IGSF10: variants seen among roughly 807,000 people sequenced by gnomAD.
The protein encoded by IGSF10 is calvaria mechanical force protein 608.
A neutral mutation model predicts 128.2 loss-of-function variants in IGSF10; 126 were observed. The observed-to-expected ratio is 0.98, with a 90% CI of 0.85 to 1.14. The LOEUF is 1.14. IGSF10 is among the 50% of genes most tolerant of loss of function. The pLI, the probability that IGSF10 is intolerant of heterozygous loss-of-function variation, is 0.00. For synonymous variants in IGSF10, 1,185 were observed against 1,146.2 expected (o/e 1.03, Z -0.68); for missense variants, 3,295 against 3,149.8 (o/e 1.05, Z -1.10).
At chr3:151,530,887 G>A in the IGSF10 span, among the ~76,000 whole-genome samples, 2 of 152,122 alleles carry the variant, frequency 1.3e-5, no homozygotes, top group Non-Finnish European at 2.9e-5. Context: ...ATGTAAATGG[G>A]CTAAATGCCC....
At chr3:151,433,432 C>A (rs7611956), downstream of IGSF10, 130,361 of 152,652 alleles carry the variant, frequency 0.85, 55,902 homozygotes, top group Middle Eastern at 0.97. Flanking sequence ...ATTGTTGCTT[C>A]GTACTTAAAC....
downstream of IGSF10, chr3:151,433,043 G>A: frequency 2.2e-6 from 1 of 460,512 alleles, no homozygotes; most frequent in Non-Finnish European, 3.9e-6. Flanking sequence ...AATCATGCAG[G>A]CAGGCCTACT....
chr3:151,548,795 ATCT>A, the IGSF10 span, among the ~76,000 whole-genome samples: 1 of 151,764 alleles, frequency 6.6e-6, no homozygotes, highest in Non-Finnish European at 1.5e-5. Flanking sequence ...TGGACTAATA[ATCT>A]TCTAATTTTC....
At chr3:151,502,988 C>G in the IGSF10 span, among the ~76,000 whole-genome samples, 1 of 152,024 alleles carries the variant, frequency 6.6e-6, no homozygotes. Flanking sequence ...AGCAAAAACT[C>G]TCTCCAAAAT....
the IGSF10 span, among the ~76,000 whole-genome samples, chr3:151,581,262 G>C: frequency 6.6e-6 from 1 of 152,130 alleles, no homozygotes; most frequent in Non-Finnish European, 1.5e-5. Flanking sequence ...ATTCAACTTA[G>C]ACCCCAACAG....
At chr3:151,593,798 C>G in the IGSF10 span, among the ~76,000 whole-genome samples, 1 of 151,938 alleles carries the variant, frequency 6.6e-6, no homozygotes, top group Non-Finnish European at 1.5e-5. Flanking sequence ...ACAGAAAAGG[C>G]AACTCAAAAT....
At chr3:151,558,793 T>G in the IGSF10 span, among the ~76,000 whole-genome samples, 1 of 152,180 alleles carries the variant, frequency 6.6e-6, no homozygotes, top group Non-Finnish European at 1.5e-5. Context: ...AGGGGTCACC[T>G]TTTGACTCAT....
chr3:151,477,794 A>G, the IGSF10 span, among the ~76,000 whole-genome samples: 1 of 152,204 alleles, frequency 6.6e-6, no homozygotes, highest in Non-Finnish European at 1.5e-5. Flanking sequence ...AGGACCAGAT[A>G]GTGATATGTT....
intron 7 of IGSF10, 97 bp from the exon 8 acceptor site, chr3:151,438,694 G>T: frequency 1.2e-6 from 1 of 813,670 alleles, no homozygotes; most frequent in Non-Finnish European, 1.9e-6. Flanking sequence ...CTTTATTGAA[G>T]CATGACCAAT....
the IGSF10 span, among the ~76,000 whole-genome samples, chr3:151,588,692 C>A: frequency 6.6e-6 from 1 of 152,156 alleles, no homozygotes; most frequent in African/African-American, 2.4e-5. Context: ...CCTGTTCCAG[C>A]AAGGAATGTC....
At chr3:151,560,600 A>G in the IGSF10 span, among the ~76,000 whole-genome samples, 1 of 152,138 alleles carries the variant, frequency 6.6e-6, no homozygotes, top group African/African-American at 2.4e-5. Flanking sequence ...GAGCCAATGA[A>G]GTGTAAGTTA....
rs1434912575 is a variant in IGSF10 at position 151,447,206 on chromosome 3, C to T, written c.2775G>A (p.Arg925=). The T allele has an allele frequency of 6.2e-7, 1 of 1,614,064 alleles. No individual in the cohort carries two copies. Among genetic ancestry groups the T allele is most frequent in the Non-Finnish European group, 8.5e-7 (1 of 1,180,044 alleles). Residue 925 remains arginine, a synonymous_variant, in exon 6 of 8, where the codon AGG becomes AGA. Coordinates refer to ENST00000282466, the MANE Select transcript of IGSF10 (RefSeq NM_178822.5). ...TGACATTGACATCTTTGATCATAGT[C>T]CTTACTGTTATTGGGGGTCTACTTT... ...HFQSRPPITV[R]TMIKDVNVKM... is the part of the protein sequence containing the mutation.
chr3:151,438,089 T>G lies in IGSF10; in HGVS notation c.6472A>C (p.Thr2158Pro). The change falls in exon 8 of 8, where the codon ACA (threonine) becomes CCA (proline). Residue 2158 changes from threonine to proline, a missense_variant. Physicochemically the swap from Thr to Pro is conservative, Grantham distance 38. Transcript: ENST00000282466. ...KTNKRIKAGD[T>P]AVLDCEVTGD... ...GTGACCTCACAGTCAAGGACAGCTG[T>G]GTCTCCAGCTTTGATTCTCTTGTTG... The G allele has an allele frequency of 6.2e-7, 1 of 1,614,238 alleles. No individual in the cohort carries two copies. The highest frequency in any genetic ancestry group is 8.5e-7 in the Non-Finnish European group (1 of 1,180,032).
chr3:151,445,726 C>T lies in IGSF10; in HGVS notation c.4255G>A (p.Asp1419Asn). The change falls in exon 6 of 8, where the codon GAT (aspartate) becomes AAT (asparagine). Residue 1419 changes from aspartate to asparagine, a missense_variant. Asp to Asn is a conservative substitution (Grantham distance 23). Coordinates refer to ENST00000282466, the MANE Select transcript of IGSF10 (RefSeq NM_178822.5). ...SFHSRTLNLT[D>N]VIEELAQAST... The stretch of plus-strand genomic sequence containing the variant: ...GCTTGGGCTAGTTCTTCAATCACAT[C>T]TGTCAGATTAAGAGTTCTTGAATGA... 6.2e-7 allele frequency: 1 copy of T among 1,614,054 alleles called. No homozygotes were observed. Among genetic ancestry groups the T allele is most frequent in the South Asian group, 1.1e-5 (1 of 90,916 alleles).
chr3:151,458,548 G>A lies in IGSF10; in HGVS notation c.162C>T (p.Ser54=). The change falls in exon 3 of 8, where the codon AGC becomes AGT. Residue 54 remains serine, a synonymous_variant. Coordinates refer to ENST00000282466, the MANE Select transcript of IGSF10 (RefSeq NM_178822.5). ...TFRYLTSIPD[S]IPPNVERINL... ...TGATGCGTTCCACATTGGGCGGGAT[G>A]CTGTCTGGGATGGAAGTCAGGTACC... 1 of 1,614,052 alleles carries A rather than the reference G, an allele frequency of 6.2e-7. No individual in the cohort carries two copies.
intron 7 of IGSF10, among the ~76,000 whole-genome samples, chr3:151,441,877 T>A (rs62284460): frequency 2.6e-5 from 4 of 152,202 alleles, no homozygotes; most frequent in East Asian, 1.9e-4. Context: ...CTGGCTAACA[T>A]GGTGAAACTC....
At chr3:151,488,342 A>T in the IGSF10 span, among the ~76,000 whole-genome samples, 1 of 152,158 alleles carries the variant, frequency 6.6e-6, no homozygotes, top group African/African-American at 2.4e-5. Flanking sequence ...AAATGGAAAA[A>T]CATTCCATAC....
the IGSF10 span, among the ~76,000 whole-genome samples, chr3:151,520,438 A>C: frequency 6.6e-6 from 1 of 151,828 alleles, no homozygotes; most frequent in African/African-American, 2.4e-5. Context: ...TCCTCTTATG[A>C]AAAATGTCAC....
chr3:151,497,499 T>C, the IGSF10 span, among the ~76,000 whole-genome samples: 1 of 152,172 alleles, frequency 6.6e-6, no homozygotes, highest in East Asian at 1.9e-4. Context: ...TATGTGGCAT[T>C]ATTTCTGAGG....
Sources: allele counts gnomAD v4.1 joint callset (sites outside exome capture counted in the v4.1 genomes callset), GRCh38; gene constraint gnomAD v4.1.1; transcripts MANE v1.5; gene names NCBI Gene and HGNC (gene_info 2026-07-23, HGNC 2026-07-21).